ATP5PD: variants seen among roughly 807,000 people sequenced by gnomAD.
ATP5PD encodes ATP synthase peripheral stalk subunit d, mitochondrial.
ATP5PD carries 13 observed loss-of-function variants against 22.6 expected under a neutral mutation model. The observed-to-expected ratio is 0.58, with a 90% CI of 0.37 to 0.91. ATP5PD has a LOEUF of 0.91. Ranked by LOEUF, ATP5PD falls within the 40% of genes least tolerant of loss-of-function variation. The probability of loss-of-function intolerance (pLI) is 0.00; values close to 1 mark genes in which losing one functional copy is unlikely to be tolerated. For synonymous variants in ATP5PD, 51 were observed against 65.0 expected (o/e 0.79, Z 1.03); for missense variants, 165 against 188.0 (o/e 0.88, Z 0.72).
At chr17:75,045,913 T>C (rs989663559) in intron 1 of ATP5PD, among the ~76,000 whole-genome samples, 10 of 152,232 alleles carry the variant, frequency 6.6e-5, no homozygotes, top group African/African-American at 1.4e-4. Context: ...TGTTTAGAGA[T>C]TGCAGTAAAG....
intron 1 of ATP5PD, among the ~76,000 whole-genome samples, chr17:75,045,621 T>C (rs533881867): frequency 3.3e-5 from 5 of 152,348 alleles, no homozygotes; most frequent in East Asian, 1.9e-4. Context: ...AAGAGAAATA[T>C]GGCTCTGTTC....
chr17:75,042,603 A>G lies in ATP5PD; in HGVS notation c.48T>C (p.Phe16=). The G allele has an allele frequency of 6.2e-7, 1 of 1,613,176 alleles. No homozygotes were observed. The highest frequency in any genetic ancestry group is 8.5e-7 in the Non-Finnish European group (1 of 1,179,782). The change falls in exon 2 of 6, where the codon TTT becomes TTC. Residue 16 remains phenylalanine (F), a synonymous_variant. Coordinates refer to ENST00000301587, the MANE Select transcript of ATP5PD (RefSeq NM_006356.3). ...LALKTIDWVA[F]AEIIPQNQKA... is the part of the protein sequence containing the mutation. ...TTTGGTTCTGGGGTATGATCTCTGC[A>G]AAAGCTACCCAGTCAATGGTTTTTA...
Position 75,039,951 on chromosome 17 carries a change from T to C in ATP5PD, c.291+141A>G, listed in dbSNP as rs140311695. On this transcript the variant is annotated intron_variant, in intron 4 of 5. Transcript: ENST00000301587. ...GCATAATTATTTTGAAATTCGTCCA[T>C]GTTGTTGCATTTATTGACAAGTCAT... 99 of 854,358 alleles carry C rather than the reference T, an allele frequency of 1.2e-4. 1 individual carries two copies. In the East Asian group the frequency reaches 1.8e-3, roughly 16 times the overall value. The allele number at this position is 854,358 out of a possible 1,614,324, so 52.9% of individuals were successfully genotyped here.
chr17:75,039,156 G>A (rs2073132392), intron 5 of ATP5PD, 53 bp downstream of exon 5: 1 of 1,611,470 alleles, frequency 6.2e-7, no homozygotes, highest in Non-Finnish European at 8.5e-7. Flanking sequence ...AAAGATGTGT[G>A]GTCATGAAAG....
chr17:75,039,834 C>T (rs1387056871), intron 4 of ATP5PD: 6 of 477,218 alleles, frequency 1.3e-5, no homozygotes, highest in Non-Finnish European at 2.2e-5. Context: ...CATCCCCAGG[C>T]AGCCACTGTA....
chr17:75,043,646 T>C (rs1598690124), intron 1 of ATP5PD, among the ~76,000 whole-genome samples: 1 of 152,130 alleles, frequency 6.6e-6, no homozygotes, highest in African/African-American at 2.4e-5. Context: ...CAGCTCTCTT[T>C]ATCCCCTCCA....
chr17:75,040,344 A>G (rs1017132126), intron 3 of ATP5PD, 181 bp from the exon 4 acceptor site: 1 of 657,850 alleles, frequency 1.5e-6, no homozygotes, highest in Non-Finnish European at 2.7e-6. Flanking sequence ...TGGAGTAGAA[A>G]GAATATTAGA....
At chr17:75,043,935 C>A (rs1304761732) in intron 1 of ATP5PD, among the ~76,000 whole-genome samples, 1 of 152,026 alleles carries the variant, frequency 6.6e-6, no homozygotes, top group East Asian at 1.9e-4. Context: ...CTTAAAAGGG[C>A]TATCCCCTTC....
rs2073133981 is a variant in ATP5PD at position 75,039,255 on chromosome 17, T to A, written c.308A>T (p.Glu103Val). 6 of 1,614,122 alleles carry A rather than the reference T, an allele frequency of 3.7e-6. No homozygotes were observed. The highest frequency in any genetic ancestry group is 5.1e-6 in the Non-Finnish European group (6 of 1,180,016). Residue 103 changes from glutamate (E) to valine (V), a missense_variant, in exon 5 of 6, where the codon GAG (glutamate) becomes GTG (valine). By Grantham distance (121) the Glu-to-Val change is moderately radical (BLOSUM62 -2). Transcript: ENST00000301587. Reference protein sequence around the residue: ...EEKEDVKSCAEWVSLSKARIV... With the variant: ...EEKEDVKSCAVWVSLSKARIV... ...CCTGGCCTTTGAGAGAGACACCCAC[T>A]CAGCACAAGATTTCACCTTTAAGAA...
chr17:75,042,171 G>C lies in ATP5PD; in HGVS notation c.219+10C>G. On this transcript the variant is annotated intron_variant, in intron 3 of 5. Coordinates refer to ENST00000301587, the MANE Select transcript of ATP5PD (RefSeq NM_006356.3). ...TACAAGCTCAGTGCTTTAGAGGTGT[G>C]AAGTCTCACCTTCTTCTCAAAGTCA... 1.2e-6 allele frequency: 2 copies of C among 1,612,414 alleles called. No individual in the cohort carries two copies. Among genetic ancestry groups the C allele is most frequent in the Non-Finnish European group, 1.7e-6 (2 of 1,178,850 alleles).
chr17:75,042,943 A>T (rs1476804448), intron 1 of ATP5PD, among the ~76,000 whole-genome samples: 1 of 152,218 alleles, frequency 6.6e-6, no homozygotes, highest in African/African-American at 2.4e-5. Flanking sequence ...GTGTGCGGCC[A>T]GGCGCAGTGG....
intron 3 of ATP5PD, chr17:75,041,956 C>T (rs2073165811): frequency 2.2e-6 from 1 of 448,900 alleles, no homozygotes; most frequent in East Asian, 3.8e-5. Context: ...GATCAGAAAG[C>T]CCTCTGGCTC....
intron 1 of ATP5PD, among the ~76,000 whole-genome samples, chr17:75,043,611 CA>C (rs533075854): frequency 1.8e-3 from 147 of 80,638 alleles, no homozygotes; most frequent in East Asian, 0.012. Flanking sequence ...GACTCTGTCT[CA>C]AAAAAAAAAA....
rs566339336 is a variant in ATP5PD, at chr17:75,039,078, A to C, written c.355-15T>G. Reference sequence around the variant, plus strand: ...ATCTTCTCCATCTGGAAAGAGGGGGAATGTGTTTAGTTAATGTAAACAGAG... The same window carrying C: ...ATCTTCTCCATCTGGAAAGAGGGGGCATGTGTTTAGTTAATGTAAACAGAG... On this transcript the variant is annotated splice_polypyrimidine_tract_variant and intron_variant, in intron 5 of 5. Transcript: ENST00000301587. 5.6e-6 allele frequency: 9 copies of C among 1,613,704 alleles called. No individual in the cohort carries two copies. Among genetic ancestry groups the C allele is most frequent in the Admixed American group, 1.7e-5 (1 of 59,912 alleles).
intron 3 of ATP5PD, chr17:75,041,584 G>A (rs138307477): frequency 0.029 from 4,381 of 152,666 alleles, 196 homozygotes; most frequent in African/African-American, 0.1. Flanking sequence ...CTGAGATTGC[G>A]CCACTGCACT....
At chr17:75,040,255 G>C in intron 3 of ATP5PD, 92 bp from the exon 4 acceptor site, 2 of 1,483,616 alleles carry the variant, frequency 1.3e-6, no homozygotes, top group Non-Finnish European at 1.9e-6. Flanking sequence ...AGCTCAAAGG[G>C]CTGGAAGCTA....
At chr17:75,039,124 G>C in intron 5 of ATP5PD, 61 bp from the exon 6 acceptor site, 1 of 1,612,208 alleles carries the variant, frequency 6.2e-7, no homozygotes, top group Non-Finnish European at 8.5e-7. Flanking sequence ...GAATATCCAA[G>C]GCAGGTTCCT....
At position 75,038,877 on chromosome 17, in the gene ATP5PD, T is replaced by G; in HGVS notation, c.*55A>C. ...ACACCCAGAACTGTATAATTATTAT[T>G]TTTAATGTCCAGAATGTGTAATACA... On this transcript the variant is annotated 3_prime_UTR_variant, in exon 6 of 6. Coordinates refer to ENST00000301587, the MANE Select transcript of ATP5PD (RefSeq NM_006356.3). The G allele has an allele frequency of 1.9e-6, 3 of 1,553,374 alleles. No individual in the cohort carries two copies. Among genetic ancestry groups the G allele is most frequent in the Non-Finnish European group, 2.6e-6 (3 of 1,146,938 alleles).
At chr17:75,041,458 A>AAC (rs1268433875) in intron 3 of ATP5PD, 1 of 151,482 alleles carries the variant, frequency 6.6e-6, no homozygotes, top group African/African-American at 2.4e-5. Context: ...AAAAAAAAAA[A>AAC]AAAAACAAAA....
Sources: gnomAD v4.1 joint callset for allele counts (sites outside exome capture counted in the v4.1 genomes callset) on GRCh38, gnomAD v4.1.1 for gene constraint, MANE v1.5 for transcripts, NCBI Gene and HGNC (gene_info 2026-07-23, HGNC 2026-07-21) for gene names.